Variants in TENT4B observed in about 807,000 individuals in gnomAD.
TENT4B encodes PAP associated domain containing 5.
A neutral mutation model predicts 75.0 loss-of-function variants in TENT4B; 10 were observed. The observed-to-expected ratio is 0.13, with a 90% confidence interval of 0.08 to 0.23. TENT4B has a LOEUF of 0.23. Among genes scored for constraint, TENT4B ranks in the 10% least tolerant of loss-of-function variants. TENT4B has a pLI of 1.00. For missense variants in TENT4B, 579 were observed against 893.8 expected, an observed-to-expected ratio of 0.65 and a Z score of 4.49; for synonymous variants, 350 against 357.7, an observed-to-expected ratio of 0.98 and a Z score of 0.24.
intron 1 of TENT4B, among the ~76,000 whole-genome samples, chr16:50,203,832 C>G (rs562294973): frequency 7.2e-5 from 11 of 152,304 alleles, no homozygotes; most frequent in African/African-American, 1.9e-4. Flanking sequence ...TGCATCTGGG[C>G]ACACAGAGCC....
chr16:50,211,357 A>G lies in TENT4B; in HGVS notation c.673A>G (p.Met225Val), dbSNP rs1394852696. The G allele has an allele frequency of 6.2e-7, 1 of 1,607,044 alleles. No individual in the cohort carries two copies. ...AGAAATCAGTGATTTTTATGAATAC[A>G]TGTCTCCAAGACCTGAGGAGGAGAA... is the stretch of plus-strand genomic sequence containing the variant. The part of the protein sequence containing the change: ...HEEISDFYEY[M>V]SPRPEEEKMR... The change falls in exon 2 of 12, where the codon ATG (methionine) becomes GTG (valine). Residue 225 changes from methionine (M) to valine (V), a missense_variant. This residue lies in a region of TENT4B where 16 missense variants were observed against 60.1 expected (regional missense o/e 0.27). Coordinates refer to ENST00000561678, the MANE Select transcript of TENT4B (RefSeq NM_001365324.3).
In TENT4B at chr16:50,234,180, A is replaced by G. The variant is rs1165176620; in HGVS notation, c.*4852A>G. On this transcript the variant is annotated 3_prime_UTR_variant, in exon 12 of 12. Coordinates refer to ENST00000561678, the MANE Select transcript of TENT4B (RefSeq NM_001365324.3). ...AGTAAACAAGTTGCTCAGGCCGGGCATGGTGGCTCACGCCTGTAATCCCAG... is the reference window on the plus strand; with the variant it reads ...AGTAAACAAGTTGCTCAGGCCGGGCGTGGTGGCTCACGCCTGTAATCCCAG... The G allele has an allele frequency of 5.1e-6, 5 of 985,452 alleles. No individual in the cohort carries two copies. Among genetic ancestry groups the G allele is most frequent in the Non-Finnish European group, 6.0e-6 (5 of 830,028 alleles). 61.0% of individuals were successfully genotyped at this position (985,452 alleles called of 1,614,324 possible). A position where few individuals can be genotyped will look rare whatever the true frequency, so the allele number is the denominator to read the frequency against.
At chr16:50,153,036 C>G (rs2037789175), upstream of TENT4B, 1 of 1,511,022 alleles carries the variant, frequency 6.6e-7, no homozygotes, top group South Asian at 1.2e-5. Flanking sequence ...CGCCCAGGTA[C>G]GTGGGAGCAC....
intron 1 of TENT4B, among the ~76,000 whole-genome samples, chr16:50,196,315 A>G (rs768641174): frequency 6.6e-5 from 10 of 151,564 alleles, no homozygotes; most frequent in Non-Finnish European, 1.5e-4. Context: ...TTTGTTTGCT[A>G]TTTATTTGGT....
chr16:50,233,773 C>A lies in TENT4B; in HGVS notation c.*4445C>A, dbSNP rs1026858519. ...TTAACCTTGTCTGTAGCCTAGTAGCCTGAAAGAAAAGGAGACAGAACCAGA... is the reference window on the plus strand; with the variant it reads ...TTAACCTTGTCTGTAGCCTAGTAGCATGAAAGAAAAGGAGACAGAACCAGA... On this transcript the variant is annotated 3_prime_UTR_variant, in exon 12 of 12. Transcript: ENST00000561678. The A allele has an allele frequency of 1.0e-6, 1 of 985,166 alleles. No homozygotes were observed. Among genetic ancestry groups the A allele is most frequent in the Non-Finnish European group, 1.2e-6 (1 of 829,908 alleles). 61.0% of individuals were successfully genotyped at this position (985,166 alleles called of 1,614,324 possible).
chr16:50,228,759 C>G (rs2032167941), intron 11 of TENT4B, among the ~76,000 whole-genome samples: 2 of 152,204 alleles, frequency 1.3e-5, no homozygotes, highest in South Asian at 4.1e-4. Flanking sequence ...AAGCCACAGG[C>G]CATGAGTAGC....
At chr16:50,187,037 A>G (rs977993197) in intron 1 of TENT4B, among the ~76,000 whole-genome samples, 1 of 152,060 alleles carries the variant, frequency 6.6e-6, no homozygotes, top group Non-Finnish European at 1.5e-5. Context: ...CTGAGATTAT[A>G]GGTGTAAGCC....
rs955857124 is a variant in TENT4B at position 50,234,222 on chromosome 16, A to G, written c.*4894A>G. On this transcript the variant is annotated 3_prime_UTR_variant, in exon 12 of 12. Coordinates refer to ENST00000561678, the MANE Select transcript of TENT4B (RefSeq NM_001365324.3). ...TAATCCCAGCACTTTGGGAGGCCGA[A>G]GCGGGAGGATGGCTTGAGGCTGGGA... 3.0e-5 allele frequency: 30 copies of G among 985,532 alleles called. No homozygotes were observed. The highest frequency in any genetic ancestry group is 3.4e-5 in the Non-Finnish European group (28 of 830,114). The allele number at this position is 985,532 out of a possible 1,614,324, so 61.0% of individuals were successfully genotyped here.
At position 50,231,539 on chromosome 16, in the gene TENT4B, C is replaced by A; in HGVS notation, c.*2211C>A. The A allele has an allele frequency of 2.0e-6, 2 of 985,682 alleles. No individual in the cohort carries two copies. The highest frequency in any genetic ancestry group is 9.4e-5 in the South Asian group (2 of 21,278). 61.1% of individuals were successfully genotyped at this position (985,682 alleles called of 1,614,324 possible). On this transcript the variant is annotated 3_prime_UTR_variant, in exon 12 of 12. Coordinates refer to ENST00000561678, the MANE Select transcript of TENT4B (RefSeq NM_001365324.3). ...TCTTAGGGTGCGAATATTAGTGTTC[C>A]AATAAGCATGTGATTATATTAAGGT...
intron 1 of TENT4B, among the ~76,000 whole-genome samples, chr16:50,158,620 ACTT>A (rs766718798): frequency 5.9e-5 from 9 of 152,128 alleles, no homozygotes; most frequent in East Asian, 5.8e-4. Context: ...GGGTCCAGAA[ACTT>A]CTTCTGGAAG....
At position 50,153,925 on chromosome 16, in the gene TENT4B, G is replaced by A; in HGVS notation, c.304G>A (p.Asp102Asn). 1.3e-6 allele frequency: 2 copies of A among 1,529,348 alleles called. No individual in the cohort carries two copies. The highest frequency in any genetic ancestry group is 1.7e-6 in the Non-Finnish European group (2 of 1,144,652). The allele number at this position is 1,529,348 out of a possible 1,614,324, so 94.7% of individuals were successfully genotyped here. ...CCACGCGCTGCCCGCGGAGCAGCGG[G>A]ACTTCCTGCCCCTAGAGACGACCAA... ...GSHALPAEQR[D>N]FLPLETTNNN... Residue 102 changes from aspartate to asparagine, a missense_variant, in exon 1 of 12, where the codon GAC (aspartate) becomes AAC (asparagine). By Grantham distance (23) the Asp-to-Asn change is conservative (BLOSUM62 1). Around this residue, in one of 7 missense-constraint regions of TENT4B, gnomAD observed 253 missense variants for 270.1 expected, o/e 0.94. Transcript: ENST00000561678.
chr16:50,158,992 G>T (rs1311901748), intron 1 of TENT4B, among the ~76,000 whole-genome samples: 3 of 152,144 alleles, frequency 2.0e-5, no homozygotes, highest in Non-Finnish European at 4.4e-5. Context: ...TATTGGTTTG[G>T]GTAAGAAGAT....
chr16:50,229,932 A>G lies in TENT4B; in HGVS notation c.*604A>G. On this transcript the variant is annotated 3_prime_UTR_variant, in exon 12 of 12. Transcript: ENST00000561678. ...TTAAATTGTAAACAGATTTTTTCTC[A>G]GGATTAGTTTGAAAAATAATCTAAA... 1.1e-6 allele frequency: 1 copy of G among 935,218 alleles called. No homozygotes were observed. Among genetic ancestry groups the G allele is most frequent in the African/African-American group, 1.8e-5 (1 of 56,034 alleles). The allele number at this position is 935,218 out of a possible 1,614,324, so 57.9% of individuals were successfully genotyped here.
Position 50,225,121 on chromosome 16 carries a change from G to A in TENT4B, c.1636G>A (p.Asp546Asn). The A allele has an allele frequency of 6.2e-7, 1 of 1,612,940 alleles. No homozygotes were observed. Among genetic ancestry groups the A allele is most frequent in the Non-Finnish European group, 8.5e-7 (1 of 1,179,236 alleles). Residue 546 changes from aspartate (D) to asparagine (N), a missense_variant, in exon 10 of 12, where the codon GAT becomes AAT. Physicochemically the swap from Asp to Asn is conservative, Grantham distance 23 (BLOSUM62 1). This residue lies in a region of TENT4B where 164 missense variants were observed against 226.5 expected (regional missense o/e 0.72). Transcript: ENST00000561678. ...CNGNGVTLIV[D>N]TQQLDKCNNN... is the part of the protein sequence containing the mutation. ...AGGAAATGGTGTTACCTTGATAGTAGATACTCAGCAGTTAGATAAATGTAA... is the reference window on the plus strand; with the variant it reads ...AGGAAATGGTGTTACCTTGATAGTAAATACTCAGCAGTTAGATAAATGTAA...
intron 1 of TENT4B, among the ~76,000 whole-genome samples, chr16:50,174,175 G>A (rs941868786): frequency 1.3e-5 from 2 of 152,092 alleles, no homozygotes; most frequent in African/African-American, 4.8e-5. Context: ...TCAGCTCACT[G>A]CGACCTCTGC....
At position 50,233,098 on chromosome 16, in the gene TENT4B, C is replaced by G. The variant is rs1567519322; in HGVS notation, c.*3770C>G. 10 of 983,588 alleles carry G rather than the reference C, an allele frequency of 1.0e-5. No homozygotes were observed. Among genetic ancestry groups the G allele is most frequent in the Non-Finnish European group, 1.1e-5 (9 of 828,312 alleles). The allele number at this position is 983,588 out of a possible 1,614,324, so 60.9% of individuals were successfully genotyped here. A position where few individuals can be genotyped will look rare whatever the true frequency, so the allele number is the denominator to read the frequency against. On this transcript the variant is annotated 3_prime_UTR_variant, in exon 12 of 12. Coordinates refer to ENST00000561678, the MANE Select transcript of TENT4B (RefSeq NM_001365324.3). ...TGAGCAAAATATTCTATAAATGCGT[C>G]TAACAAACCTAATTGAATATAAAAG...
chr16:50,176,753 C>T (rs1035922378), intron 1 of TENT4B, among the ~76,000 whole-genome samples: 3 of 151,590 alleles, frequency 2.0e-5, no homozygotes, highest in Admixed American at 6.6e-5. Context: ...GTGATCCACC[C>T]GCCTTGGCCT....
At chr16:50,164,281 G>A (rs1035837802) in intron 1 of TENT4B, among the ~76,000 whole-genome samples, 3 of 151,156 alleles carry the variant, frequency 2.0e-5, no homozygotes, top group African/African-American at 7.3e-5. Context: ...GGGATTACAG[G>A]TGTGAGCCCA....
At chr16:50,154,715 TGGTGCAGGACCCGGA>T (rs1470507165) in intron 1 of TENT4B, among the ~76,000 whole-genome samples, 3 of 152,136 alleles carry the variant, frequency 2.0e-5, no homozygotes, top group Non-Finnish European at 4.4e-5. Context: ...TGTTTTTTGA[TGGTGCAGGACCCGGA>T]GGTGCTTTCC....
Sources: allele counts gnomAD v4.1 joint callset (sites outside exome capture counted in the v4.1 genomes callset), GRCh38; gene constraint gnomAD v4.1.1; regional missense constraint gnomAD v4.1.1; transcripts MANE v1.5; gene names NCBI Gene and HGNC (gene_info 2026-07-23, HGNC 2026-07-21).